Variants in ISLR2 observed in about 807,000 individuals in gnomAD.
ISLR2 encodes immunoglobulin superfamily containing leucine rich repeat 2, also known as immunoglobulin superfamily containing leucine-rich repeat protein 2.
A neutral mutation model predicts 25.5 loss-of-function variants in ISLR2; 16 were observed. That is an observed-to-expected ratio of 0.63 (90% CI 0.43 to 0.95). The LOEUF is 0.95. ISLR2 is among the 40% of genes least tolerant of loss of function. The probability of loss-of-function intolerance (pLI) is 0.00; values close to 1 mark genes in which losing one functional copy is unlikely to be tolerated. For missense variants in ISLR2, 883 were observed against 1,030.7 expected, an observed-to-expected ratio of 0.86 and a Z score of 1.96; for synonymous variants, 508 against 486.6, an observed-to-expected ratio of 1.04 and a Z score of -0.58.
At chr15:74,113,178 T>C (rs2072183034) in intron 2 of ISLR2, among the ~76,000 whole-genome samples, 1 of 152,196 alleles carries the variant, frequency 6.6e-6, no homozygotes, top group Admixed American at 6.5e-5. Flanking sequence ...GCTGATCTGA[T>C]GGGGGGCGGA....
rs1252640940 is a variant in ISLR2, at chr15:74,132,957, G to A, written c.203G>A (p.Arg68His). The A allele has an allele frequency of 6.2e-7, 1 of 1,614,052 alleles. No individual in the cohort carries two copies. Among genetic ancestry groups the A allele is most frequent in the South Asian group, 1.1e-5 (1 of 91,088 alleles). Residue 68 changes from arginine (R) to histidine (H), a missense_variant, in exon 3 of 3, where the codon CGC (arginine) becomes CAC (histidine). By Grantham distance (29) the Arg-to-His change is conservative. This residue lies in a region of ISLR2 where 271 missense variants were observed against 387.9 expected (regional missense o/e 0.70). Transcript: ENST00000453268. This position sits in a 1 kb window ranked among gnomAD's most constrained non-coding sequence, Gnocchi z 4.3. ...GCGAACAAGATCACTGTGCTGCGGC[G>A]CGGGGCCTTCGCCGACGTCACACAG... ...LSANKITVLR[R>H]GAFADVTQVT...
chr15:74,117,101 G>A (rs184810724), intron 2 of ISLR2, among the ~76,000 whole-genome samples: 73 of 152,256 alleles, frequency 4.8e-4, no homozygotes, highest in African/African-American at 1.7e-3. Context: ...TGGTGGCACG[G>A]TCAGCTCTAA....
At chr15:74,123,059 C>A (rs982338503) in intron 2 of ISLR2, among the ~76,000 whole-genome samples, 3 of 152,078 alleles carry the variant, frequency 2.0e-5, no homozygotes, top group African/African-American at 7.2e-5. Context: ...CCAAAATATT[C>A]AGTGATCAGA....
chr15:74,140,779 T>C (rs2072607048), downstream of ISLR2, among the ~76,000 whole-genome samples: 3 of 152,238 alleles, frequency 2.0e-5, no homozygotes, highest in African/African-American at 7.2e-5. Flanking sequence ...AGTTGTAATG[T>C]GTCAATTCAT....
chr15:74,113,332 G>T (rs1404250356), intron 2 of ISLR2, among the ~76,000 whole-genome samples: 1 of 152,172 alleles, frequency 6.6e-6, no homozygotes, highest in Non-Finnish European at 1.5e-5. Context: ...TGAATTTTTA[G>T]TAGAGATGGG....
intron 2 of ISLR2, among the ~76,000 whole-genome samples, chr15:74,107,723 A>T (rs547270360): frequency 6.6e-6 from 1 of 152,192 alleles, no homozygotes; most frequent in African/African-American, 2.4e-5. Context: ...CTCCTCCTTG[A>T]CCTTTTCAGA....
chr15:74,113,144 C>T (rs1306798895), intron 2 of ISLR2, among the ~76,000 whole-genome samples: 12 of 152,226 alleles, frequency 7.9e-5, no homozygotes, highest in Non-Finnish European at 1.3e-4. Flanking sequence ...TTAGGGTTCA[C>T]GCTTCTATGA....
chr15:74,120,766 C>T (rs930004508), intron 2 of ISLR2, among the ~76,000 whole-genome samples: 2 of 152,028 alleles, frequency 1.3e-5, no homozygotes, highest in Non-Finnish European at 1.5e-5. Context: ...ATAATGCATA[C>T]TTCACAAATT....
chr15:74,115,096 C>T (rs2072200413), intron 2 of ISLR2, among the ~76,000 whole-genome samples: 2 of 152,152 alleles, frequency 1.3e-5, no homozygotes, highest in South Asian at 4.1e-4. Flanking sequence ...ACAGAAGAAT[C>T]CCCGGAGCTC....
chr15:74,114,313 A>G (rs1241521427), intron 2 of ISLR2, among the ~76,000 whole-genome samples: 1 of 152,252 alleles, frequency 6.6e-6, no homozygotes, highest in Non-Finnish European at 1.5e-5. Context: ...AGTACGATTA[A>G]TATCATATTC....
At position 74,133,851 on chromosome 15, in the gene ISLR2, C is replaced by A. The variant is rs555771000; in HGVS notation, c.1097C>A (p.Thr366Lys). The change falls in exon 3 of 3, where the codon ACG (threonine) becomes AAG (lysine). Residue 366 changes from threonine to lysine, a missense_variant. By Grantham distance (78) the Thr-to-Lys change is moderately conservative. Around this residue, in one of 2 missense-constraint regions of ISLR2, gnomAD observed 612 missense variants for 642.8 expected, o/e 0.95. Transcript: ENST00000453268. ...RAHNELGANS[T>K]SIRVAVAATG... ...CACAATGAGCTGGGCGCCAACTCTA[C>A]GTCAATACGCGTGGCGGTGGCAGCA... 1 of 1,613,194 alleles carries A rather than the reference C, an allele frequency of 6.2e-7. No individual in the cohort carries two copies. The highest frequency in any genetic ancestry group is 8.5e-7 in the Non-Finnish European group (1 of 1,179,774).
Position 74,133,044 on chromosome 15 carries a change from T to G in ISLR2, c.290T>G (p.Val97Gly), listed in dbSNP as rs1414977570. The G allele has an allele frequency of 2.5e-6, 4 of 1,613,030 alleles. No individual in the cohort carries two copies. The highest frequency in any genetic ancestry group is 3.3e-5 in the Admixed American group (2 of 60,010). The change falls in exon 3 of 3, where the codon GTG (valine) becomes GGG (glycine). Residue 97 changes from valine (V) to glycine (G), a missense_variant. By Grantham distance (109) the Val-to-Gly change is moderately radical. Around this residue, in one of 2 missense-constraint regions of ISLR2, gnomAD observed 271 missense variants for 387.9 expected, o/e 0.70. Transcript: ENST00000453268. ...ACCGTGGAGCCAGGCGCACTGGCCG[T>G]GCTGAGTCAGCTCAAGAACCTCGAT... ...VRTVEPGALAVLSQLKNLDLS... is the reference protein window; with the variant it reads ...VRTVEPGALAGLSQLKNLDLS...
At chr15:74,119,377 A>C (rs2072235187) in intron 2 of ISLR2, among the ~76,000 whole-genome samples, 1 of 152,070 alleles carries the variant, frequency 6.6e-6, no homozygotes, top group Non-Finnish European at 1.5e-5. Context: ...TGCCTGGCTA[A>C]TTTTTAAATT....
chr15:74,133,060 G>A lies in ISLR2; in HGVS notation c.306G>A (p.Lys102=). 1 of 1,613,138 alleles carries A rather than the reference G, an allele frequency of 6.2e-7. No homozygotes were observed. Among genetic ancestry groups the A allele is most frequent in the Non-Finnish European group, 8.5e-7 (1 of 1,179,976 alleles). The change falls in exon 3 of 3, where the codon AAG becomes AAA. Residue 102 remains lysine (K), a synonymous_variant. Transcript: ENST00000453268. Reference sequence around the variant, plus strand: ...CACTGGCCGTGCTGAGTCAGCTCAAGAACCTCGATCTGAGCCACAACTTCA... The same window carrying A: ...CACTGGCCGTGCTGAGTCAGCTCAAAAACCTCGATCTGAGCCACAACTTCA... ...PGALAVLSQL[K]NLDLSHNFIS...
At chr15:74,105,465 A>G (rs538986612) in intron 2 of ISLR2, among the ~76,000 whole-genome samples, 13 of 70,692 alleles carry the variant, frequency 1.8e-4, no homozygotes, top group South Asian at 1.8e-3. Flanking sequence ...CCCCAAATCA[A>G]TGCCCTCTGA....
intron 2 of ISLR2, among the ~76,000 whole-genome samples, chr15:74,122,058 A>C (rs1013613823): frequency 6.6e-6 from 1 of 152,178 alleles, no homozygotes; most frequent in Non-Finnish European, 1.5e-5. Flanking sequence ...GCCACTGTCG[A>C]GGCCACACCT....
intron 2 of ISLR2, among the ~76,000 whole-genome samples, chr15:74,120,844 ACT>A (rs2072247459): frequency 6.6e-6 from 1 of 152,054 alleles, no homozygotes; most frequent in Admixed American, 6.6e-5. Context: ...CTAAAAAATA[ACT>A]CTATACACCC....
At chr15:74,121,299 T>A (rs1197385683) in intron 2 of ISLR2, among the ~76,000 whole-genome samples, 1 of 151,848 alleles carries the variant, frequency 6.6e-6, no homozygotes, top group Non-Finnish European at 1.5e-5. Flanking sequence ...CCCAGCTGAG[T>A]CTGGAGATAA....
At chr15:74,141,485 C>T (rs894106550), downstream of ISLR2, among the ~76,000 whole-genome samples, 8 of 152,136 alleles carry the variant, frequency 5.3e-5, no homozygotes, top group African/African-American at 1.2e-4. Context: ...TTATCAAATG[C>T]GTCTTAATAA....
Sources: gnomAD v4.1 joint callset for allele counts (sites outside exome capture counted in the v4.1 genomes callset) on GRCh38, gnomAD v4.1.1 for gene constraint, gnomAD v4.1.1 regional missense constraint, Gnocchi (gnomAD v3.1) non-coding constraint, MANE v1.5 for transcripts, NCBI Gene and HGNC (gene_info 2026-07-23, HGNC 2026-07-21) for gene names.